The following WDR72 variants were observed in gnomAD, a reference collection of about 807,000 sequenced individuals.
WDR72 encodes the protein WD repeat domain 72.
Under a neutral mutation model 124.2 loss-of-function variants are expected in WDR72, and 120 were observed. That is an observed-to-expected ratio of 0.97 (90% CI 0.83 to 1.12). The LOEUF is 1.12. Among genes scored for constraint, WDR72 ranks in the 50% most tolerant of loss-of-function variants. The pLI is 0.00. For synonymous variants in WDR72, 452 were observed against 441.7 expected (o/e 1.02, Z -0.29); for missense variants, 1,387 against 1,278.8 (o/e 1.08, Z -1.29).
rs548220489 is a variant in WDR72 at position 53,546,587 on chromosome 15, C to T, written c.3149-23265G>A. Among the ~76,000 whole-genome samples the T allele has an allele frequency of 1.1e-4, 16 of 151,978 alleles. No individual in the cohort carries two copies. In the East Asian group the frequency reaches 1.6e-3, roughly 15 times the overall value. On this transcript the variant is annotated intron_variant, in intron 18 of 19. Transcript: ENST00000360509. ...CTAGATGACGAGTTAGTGGGTGCAG[C>T]GCACCAGCATGGCACATGTATACAT... is the stretch of plus-strand genomic sequence containing the variant.
At chr15:53,715,461 A>C in intron 4 of WDR72, 94 bp from the exon 5 acceptor site, 1 of 1,452,256 alleles carries the variant, frequency 6.9e-7, no homozygotes, top group Non-Finnish European at 9.5e-7. Flanking sequence ...TAGTTTTAGC[A>C]TATGATCAAT....
chr15:53,585,563 G>A (rs1183753841), intron 18 of WDR72, among the ~76,000 whole-genome samples: 1 of 151,998 alleles, frequency 6.6e-6, no homozygotes, highest in Non-Finnish European at 1.5e-5. Flanking sequence ...AAATTGGTAT[G>A]CCTTTTCTCC....
chr15:53,668,453 A>T (rs1595833442), intron 13 of WDR72, among the ~76,000 whole-genome samples: 1 of 152,210 alleles, frequency 6.6e-6, no homozygotes, highest in African/African-American at 2.4e-5. Flanking sequence ...CACATGTGCT[A>T]GTTATCAATT....
rs143816093 is a variant in WDR72, at chr15:53,609,531, C to G, written c.2934G>C (p.Trp978Cys). ...ATCATACCTGCACAGACTGGTCTCT[C>G]CAACAGGAAATTAGCTTCAAAAGTG... ...DLSLLKLISC[W>C]RDQSVQVTEA... The change falls in exon 17 of 20, where the codon TGG (tryptophan) becomes TGC (cysteine). Residue 978 changes from tryptophan (W) to cysteine (C), a missense_variant. Coordinates refer to ENST00000360509, the MANE Select transcript of WDR72 (RefSeq NM_182758.4). The G allele has an allele frequency of 6.2e-6, 10 of 1,613,364 alleles. No individual in the cohort carries two copies. Among genetic ancestry groups the G allele is most frequent in the Non-Finnish European group, 7.6e-6 (9 of 1,179,668 alleles).
At chr15:53,646,616 C>G (rs2015051260) in intron 14 of WDR72, among the ~76,000 whole-genome samples, 1 of 152,096 alleles carries the variant, frequency 6.6e-6, no homozygotes, top group African/African-American at 2.4e-5. Flanking sequence ...CCAATGTATT[C>G]TCCCCAACAA....
intron 18 of WDR72, among the ~76,000 whole-genome samples, chr15:53,563,534 T>G (rs2140296611): frequency 6.6e-6 from 1 of 151,900 alleles, no homozygotes; most frequent in East Asian, 1.9e-4. Flanking sequence ...TCATGGGGGT[T>G]TGTTGTACAT....
chr15:53,601,299 A>G (rs1384951355), intron 17 of WDR72, among the ~76,000 whole-genome samples: 2 of 152,168 alleles, frequency 1.3e-5, no homozygotes, highest in Non-Finnish European at 2.9e-5. Flanking sequence ...CTTCTCAGAC[A>G]AGCAAATACT....
At chr15:53,602,711 A>C (rs2013099164) in intron 17 of WDR72, among the ~76,000 whole-genome samples, 1 of 152,056 alleles carries the variant, frequency 6.6e-6, no homozygotes, top group South Asian at 2.1e-4. Flanking sequence ...CTAGTAATAT[A>C]TACACGTGAC....
upstream of WDR72, among the ~76,000 whole-genome samples, chr15:53,759,860 C>T (rs2019027163): frequency 7.0e-6 from 1 of 142,768 alleles, no homozygotes. Context: ...CTCCCTCCTT[C>T]TCTCACTTGC....
intron 17 of WDR72, among the ~76,000 whole-genome samples, chr15:53,606,154 A>C (rs997367837): frequency 2.6e-5 from 4 of 152,178 alleles, no homozygotes; most frequent in African/African-American, 9.7e-5. Context: ...AAACATGCCC[A>C]AATGACATTA....
chr15:53,665,016 T>C (rs1405621566), intron 14 of WDR72, among the ~76,000 whole-genome samples: 1 of 152,142 alleles, frequency 6.6e-6, no homozygotes, highest in East Asian at 1.9e-4. Context: ...TATATCATAT[T>C]TAGAAGTAAA....
At chr15:53,543,949 A>G (rs1211983795) in intron 18 of WDR72, among the ~76,000 whole-genome samples, 4 of 152,156 alleles carry the variant, frequency 2.6e-5, no homozygotes, top group Non-Finnish European at 4.4e-5. Flanking sequence ...CACTCTCCCA[A>G]GACTGAACCA....
chr15:53,574,811 A>G (rs1385645984), intron 18 of WDR72, among the ~76,000 whole-genome samples: 1 of 151,872 alleles, frequency 6.6e-6, no homozygotes, highest in Non-Finnish European at 1.5e-5. Context: ...TAGTCTATTT[A>G]TTTTCTCTGT....
chr15:53,600,305 A>C (rs74018056), intron 17 of WDR72, among the ~76,000 whole-genome samples: 21,169 of 152,092 alleles, frequency 0.14, 2,289 homozygotes, highest in African/African-American at 0.3. Flanking sequence ...TTTACTCCAA[A>C]AAAATATAAA....
intron 17 of WDR72, among the ~76,000 whole-genome samples, chr15:53,604,281 CAGA>C (rs1406186651): frequency 1.3e-5 from 2 of 152,106 alleles, no homozygotes; most frequent in African/African-American, 2.4e-5. Context: ...TAGCCACATG[CAGA>C]AGATTAAAAC....
At chr15:53,679,779 A>G (rs1257163041) in intron 13 of WDR72, among the ~76,000 whole-genome samples, 1 of 152,216 alleles carries the variant, frequency 6.6e-6, no homozygotes, top group African/African-American at 2.4e-5. Context: ...GAAAAATAAT[A>G]GAAGCCCACA....
chr15:53,588,028 A>C (rs2012309204), intron 18 of WDR72, among the ~76,000 whole-genome samples: 1 of 152,050 alleles, frequency 6.6e-6, no homozygotes, highest in Non-Finnish European at 1.5e-5. Flanking sequence ...TCTTGAACAA[A>C]GTAGATAAAT....
At chr15:53,606,221 TAAGAG>T (rs959959416) in intron 17 of WDR72, among the ~76,000 whole-genome samples, 4 of 152,206 alleles carry the variant, frequency 2.6e-5, no homozygotes, top group African/African-American at 9.6e-5. Context: ...GAGAGCAATT[TAAGAG>T]AAATGTTCTG....
At chr15:53,685,651 A>G (rs1463067224) in intron 13 of WDR72, among the ~76,000 whole-genome samples, 1 of 151,168 alleles carries the variant, frequency 6.6e-6, no homozygotes, top group Non-Finnish European at 1.5e-5. Context: ...GATATTATCC[A>G]GGAGAACTTC....
Sources: gnomAD v4.1 joint callset for allele counts (sites outside exome capture counted in the v4.1 genomes callset) on GRCh38, gnomAD v4.1.1 for gene constraint, MANE v1.5 for transcripts, NCBI Gene and HGNC (gene_info 2026-07-23, HGNC 2026-07-21) for gene names.